Variants in MPHOSPH9 observed in about 807,000 individuals in gnomAD.
The protein encoded by MPHOSPH9 is M-phase phosphoprotein 9.
Under a neutral mutation model 145.5 loss-of-function variants are expected in MPHOSPH9, and 88 were observed. The observed-to-expected ratio is 0.60, with a 90% CI of 0.51 to 0.72. The LOEUF (loss-of-function observed/expected upper bound fraction) is 0.72. Among genes scored for constraint, MPHOSPH9 ranks in the 30% least tolerant of loss-of-function variants. The pLI is 0.00. For missense variants in MPHOSPH9, 1,238 were observed against 1,386.6 expected, an observed-to-expected ratio of 0.89 and a Z score of 1.70; for synonymous variants, 435 against 486.2, an observed-to-expected ratio of 0.89 and a Z score of 1.39.
chr12:123,165,484 C>T lies in MPHOSPH9; in HGVS notation c.2592-7G>A, dbSNP rs2044277316. ...TTCCAGAGGTGAACGGTGCCTTAAACAATAATTTTAAGACATACAGTGCTA... is the reference window on the plus strand; with the variant it reads ...TTCCAGAGGTGAACGGTGCCTTAAATAATAATTTTAAGACATACAGTGCTA... On this transcript the variant is annotated splice_polypyrimidine_tract_variant and splice_region_variant and intron_variant, in intron 17 of 23. Transcript: ENST00000606320. 6.2e-7 allele frequency: 1 copy of T among 1,611,462 alleles called. No homozygotes were observed. Among genetic ancestry groups the T allele is most frequent in the Non-Finnish European group, 8.5e-7 (1 of 1,178,908 alleles).
At chr12:123,157,380 T>A (rs1242854809) in intron 23 of MPHOSPH9, among the ~76,000 whole-genome samples, 1 of 61,648 alleles carries the variant, frequency 1.6e-5, no homozygotes, top group Non-Finnish European at 3.8e-5. Context: ...AGGATACTTT[T>A]CTTAAAAAAA....
At chr12:123,185,954 G>T (rs1205190664) in intron 13 of MPHOSPH9, among the ~76,000 whole-genome samples, 2 of 151,938 alleles carry the variant, frequency 1.3e-5, no homozygotes, top group African/African-American at 4.8e-5. Context: ...GGCCGGGCAT[G>T]GTGGCTCAAG....
intron 17 of MPHOSPH9, 178 bp from the exon 18 acceptor site, chr12:123,165,655 T>C (rs1593070252): frequency 3.6e-6 from 2 of 550,152 alleles, no homozygotes; most frequent in East Asian, 2.8e-5. Context: ...GCCTCCAAGA[T>C]GGGATTAATG....
intron 15 of MPHOSPH9, among the ~76,000 whole-genome samples, chr12:123,177,729 CAAAT>C (rs930957093): frequency 4.6e-5 from 7 of 151,916 alleles, no homozygotes; most frequent in African/African-American, 1.5e-4. Context: ...ATAAAATTGT[CAAAT>C]AAACTGCATT....
intron 13 of MPHOSPH9, among the ~76,000 whole-genome samples, chr12:123,185,936 ACAGGAGAGG>A (rs1168842957): frequency 6.6e-6 from 1 of 152,090 alleles, no homozygotes; most frequent in Non-Finnish European, 1.5e-5. Context: ...TTGAGATTAC[ACAGGAGAGG>A]CCGGGCATGG....
chr12:123,240,134 C>T (rs1476885804), intron 1 of MPHOSPH9, among the ~76,000 whole-genome samples: 3 of 150,144 alleles, frequency 2.0e-5, no homozygotes. Flanking sequence ...GAGGCTGAGG[C>T]TTGTGGATCA....
intron 15 of MPHOSPH9, 143 bp downstream of exon 15, chr12:123,179,783 C>A: frequency 2.4e-6 from 1 of 419,596 alleles, no homozygotes; most frequent in Non-Finnish European, 4.3e-6. Flanking sequence ...AAACCTATTT[C>A]CATGTCAAGG....
chr12:123,174,197 T>C (rs1371314697), intron 16 of MPHOSPH9, among the ~76,000 whole-genome samples: 4 of 152,152 alleles, frequency 2.6e-5, no homozygotes, highest in Non-Finnish European at 5.9e-5. Flanking sequence ...TTGCACTCAA[T>C]ACCGGTGGCT....
At chr12:123,191,194 G>A (rs2045661964) in intron 13 of MPHOSPH9, among the ~76,000 whole-genome samples, 1 of 152,076 alleles carries the variant, frequency 6.6e-6, no homozygotes, top group African/African-American at 2.4e-5. Flanking sequence ...GGTGGCACAT[G>A]CCTGAAATCC....
intron 5 of MPHOSPH9, among the ~76,000 whole-genome samples, chr12:123,218,735 A>G: frequency 6.6e-6 from 1 of 151,918 alleles, no homozygotes; most frequent in Non-Finnish European, 1.5e-5. Flanking sequence ...TGTTGGCCAG[A>G]CTGGTCTCAA....
chr12:123,192,243 C>T (rs759132573), intron 13 of MPHOSPH9, among the ~76,000 whole-genome samples: 2 of 151,882 alleles, frequency 1.3e-5, no homozygotes, highest in Non-Finnish European at 2.9e-5. Context: ...CGCTTGAGCC[C>T]AGGAGTTTGA....
chr12:123,242,568 A>C (rs957793277), intron 1 of MPHOSPH9, among the ~76,000 whole-genome samples: 2 of 152,172 alleles, frequency 1.3e-5, no homozygotes, highest in Admixed American at 1.3e-4. Flanking sequence ...AGGAGATACT[A>C]AAAGTGTCTA....
At chr12:123,188,765 T>A (rs946787637) in intron 13 of MPHOSPH9, among the ~76,000 whole-genome samples, 3 of 152,166 alleles carry the variant, frequency 2.0e-5, no homozygotes, top group African/African-American at 7.2e-5. Context: ...GGGGAATCGC[T>A]TGAACCTGGG....
chr12:123,205,670 C>T (rs968386866), intron 8 of MPHOSPH9, among the ~76,000 whole-genome samples: 17 of 152,132 alleles, frequency 1.1e-4, no homozygotes, highest in African/African-American at 4.1e-4. Context: ...CCAGCTATGG[C>T]CACAGCCTGG....
At chr12:123,194,258 G>T in intron 13 of MPHOSPH9, 128 bp downstream of exon 13, 2 of 665,224 alleles carry the variant, frequency 3.0e-6, no homozygotes, top group Non-Finnish European at 4.8e-6. Flanking sequence ...GTCAGAGTGA[G>T]ACTCTGTCTC....
chr12:123,182,249 G>T (rs144297636), intron 13 of MPHOSPH9, among the ~76,000 whole-genome samples: 18 of 137,260 alleles, frequency 1.3e-4, no homozygotes, highest in Middle Eastern at 3.9e-3. Flanking sequence ...TTTTTTTTGT[G>T]TTTTTTTTTT....
chr12:123,218,348 C>T (rs928084367), intron 6 of MPHOSPH9, 28 bp downstream of exon 6: 1 of 1,613,070 alleles, frequency 6.2e-7, no homozygotes, highest in Non-Finnish European at 8.5e-7. Context: ...AGTACTGGAG[C>T]CCGCAGGGAA....
Position 123,165,376 on chromosome 12 carries a change from G to A in MPHOSPH9, c.2693C>T (p.Ala898Val). 2 of 1,613,846 alleles carry A rather than the reference G, an allele frequency of 1.2e-6. No individual in the cohort carries two copies. Among genetic ancestry groups the A allele is most frequent in the Non-Finnish European group, 1.7e-6 (2 of 1,179,914 alleles). ...TTTTCCCTCATCAAGTTCTTTTAAA[G>A]CTCTCATGATCGGCGTGTCTGAAGT... ...RETSDTPIMR[A>V]LKELDEGKIF... Residue 898 changes from alanine to valine, a missense_variant, in exon 18 of 24, where the codon GCT becomes GTT. Coordinates refer to ENST00000606320, the MANE Select transcript of MPHOSPH9 (RefSeq NM_022782.4).
rs774477396 is a variant in MPHOSPH9 at position 123,221,617 on chromosome 12, C to G, written c.627G>C (p.Leu209=). 1 of 1,614,154 alleles carries G rather than the reference C, an allele frequency of 6.2e-7. No individual in the cohort carries two copies. The highest frequency in any genetic ancestry group is 2.2e-5 in the East Asian group (1 of 44,886). ...ACTCCTTAGGGTCTTTAGATTTGTA[C>G]AGATTTAATTCTGAGATACAAAAGG... The part of the protein sequence containing the change: ...YGTFCISELN[L]YKSKDPKEFM... Residue 209 remains leucine, a synonymous_variant, in exon 5 of 24, where the codon CTG becomes CTC. Transcript: ENST00000606320.
Sources: gnomAD v4.1 joint callset for allele counts (sites outside exome capture counted in the v4.1 genomes callset) on GRCh38, gnomAD v4.1.1 for gene constraint, MANE v1.5 for transcripts, NCBI Gene and HGNC (gene_info 2026-07-23, HGNC 2026-07-21) for gene names.